The following RYR3 variants were observed in gnomAD, a reference collection of about 807,000 sequenced individuals.
RYR3 encodes brain ryanodine receptor-calcium release channel.
A neutral mutation model predicts 584.3 loss-of-function variants in RYR3; 207 were observed. The observed-to-expected ratio is 0.35, with a 90% CI of 0.32 to 0.40. The LOEUF is 0.40. Ranked by LOEUF, RYR3 falls within the 10% of genes least tolerant of loss-of-function variation. The pLI, the probability that RYR3 is intolerant of heterozygous loss-of-function variation, is 1.00. For missense variants in RYR3, 5,616 were observed against 6,089.2 expected, an observed-to-expected ratio of 0.92 and a Z score of 2.59; for synonymous variants, 2,416 against 2,248.5, an observed-to-expected ratio of 1.07 and a Z score of -2.11.
intron 16 of RYR3, among the ~76,000 whole-genome samples, chr15:33,590,418 T>C (rs1382837919): frequency 1.3e-5 from 2 of 152,178 alleles, no homozygotes; most frequent in Non-Finnish European, 2.9e-5. Context: ...AATTTTAGGA[T>C]TGTTTTTTCT....
At chr15:33,556,761 C>T (rs1464161480) in intron 10 of RYR3, among the ~76,000 whole-genome samples, 2 of 152,034 alleles carry the variant, frequency 1.3e-5, no homozygotes, top group Admixed American at 6.5e-5. Flanking sequence ...CAATCCCTTC[C>T]TCATTGCCCT....
intron 1 of RYR3, among the ~76,000 whole-genome samples, chr15:33,429,133 CG>C (rs1295835595): frequency 1.3e-5 from 2 of 152,138 alleles, no homozygotes; most frequent in African/African-American, 2.4e-5. Flanking sequence ...TTAGAATAAT[CG>C]TGGAAACATG....
chr15:33,340,845 A>G (rs989208453), intron 1 of RYR3, among the ~76,000 whole-genome samples: 1 of 152,198 alleles, frequency 6.6e-6, no homozygotes, highest in South Asian at 2.1e-4. Flanking sequence ...ATCATGGCCC[A>G]CCTATACCCT....
At chr15:33,375,802 T>C (rs1209606156) in intron 1 of RYR3, among the ~76,000 whole-genome samples, 2 of 152,214 alleles carry the variant, frequency 1.3e-5, no homozygotes, top group Non-Finnish European at 2.9e-5. Context: ...CAGTGGCTCA[T>C]GCCTGTAATC....
rs768997188 is a variant in RYR3 at position 33,662,519 on chromosome 15, C to T, written c.4989C>T (p.Pro1663=). The T allele has an allele frequency of 1.1e-5, 18 of 1,613,882 alleles. No individual in the cohort carries two copies. In the Middle Eastern group the frequency reaches 9.9e-4, roughly 88 times the overall value. The stretch of plus-strand genomic sequence containing the variant: ...TGGGCCTGAGAACATGTCTCAAGCC[C>T]GGGTTCAGGTTCTCCACCCCTTGCT... The part of the protein sequence containing the change: ...PGVGLRTCLK[P]GFRFSTPCFV... Residue 1663 remains proline, a synonymous_variant, in exon 35 of 104, where the codon CCC becomes CCT. Coordinates refer to ENST00000634891, the MANE Select transcript of RYR3 (RefSeq NM_001036.6).
At chr15:33,383,828 C>T (rs1283140089) in intron 1 of RYR3, among the ~76,000 whole-genome samples, 1 of 152,166 alleles carries the variant, frequency 6.6e-6, no homozygotes, top group African/African-American at 2.4e-5. Flanking sequence ...TTCACTGCAG[C>T]ACTATTCAGT....
intron 19 of RYR3, among the ~76,000 whole-genome samples, chr15:33,616,261 T>A (rs2060445257): frequency 6.6e-6 from 1 of 152,208 alleles, no homozygotes; most frequent in South Asian, 2.1e-4. Context: ...GTTTAGAGAA[T>A]GGTACATCTG....
chr15:33,353,954 T>G (rs1252878899), intron 1 of RYR3, among the ~76,000 whole-genome samples: 1 of 152,208 alleles, frequency 6.6e-6, no homozygotes, highest in Non-Finnish European at 1.5e-5. Context: ...ACTCCAGCCT[T>G]TTGAAAGATC....
intron 2 of RYR3, among the ~76,000 whole-genome samples, chr15:33,488,490 A>G (rs1373921959): frequency 8.4e-6 from 1 of 119,666 alleles, no homozygotes; most frequent in Admixed American, 9.1e-5. Flanking sequence ...TCTCTTTTCT[A>G]GGTGTTGTTT....
chr15:33,464,511 C>G (rs1035172735), intron 1 of RYR3, among the ~76,000 whole-genome samples: 7 of 124,054 alleles, frequency 5.6e-5, no homozygotes, highest in Non-Finnish European at 1.1e-4. Context: ...TATACATACA[C>G]ATACACATAT....
intron 51 of RYR3, 51 bp from the exon 52 acceptor site, chr15:33,742,315 G>A (rs371935260): frequency 8.7e-7 from 1 of 1,152,778 alleles, no homozygotes; most frequent in African/African-American, 1.5e-5. Flanking sequence ...CTTCTACTAT[G>A]TCTGGCTGAA....
At chr15:33,802,142 G>C (rs780187895) in intron 69 of RYR3, 181 bp downstream of exon 69, 4 of 746,238 alleles carry the variant, frequency 5.4e-6, no homozygotes, top group Non-Finnish European at 1.0e-5. Context: ...AAATAAGCAT[G>C]GTCATCACAT....
intron 70 of RYR3, among the ~76,000 whole-genome samples, chr15:33,809,718 C>G (rs1352505592): frequency 8.6e-5 from 13 of 151,684 alleles, no homozygotes. Flanking sequence ...TCGCTGCAAC[C>G]TCTGTCTCAT....
intron 1 of RYR3, among the ~76,000 whole-genome samples, chr15:33,435,556 T>C (rs2045623833): frequency 6.6e-6 from 1 of 152,216 alleles, no homozygotes; most frequent in Non-Finnish European, 1.5e-5. Context: ...CAAATGAAAT[T>C]GATGGGTCAA....
chr15:33,499,123 T>C (rs1315601907), intron 2 of RYR3, among the ~76,000 whole-genome samples: 1 of 152,078 alleles, frequency 6.6e-6, no homozygotes, highest in Non-Finnish European at 1.5e-5. Flanking sequence ...AGACCCAGTC[T>C]AATACCTACT....
intron 70 of RYR3, 101 bp downstream of exon 70, chr15:33,807,670 G>A (rs2076278673): frequency 2.4e-6 from 3 of 1,239,650 alleles, no homozygotes; most frequent in South Asian, 1.3e-5. Context: ...GGTAGAGAAT[G>A]GATTTTCCCG....
intron 1 of RYR3, among the ~76,000 whole-genome samples, chr15:33,454,046 A>G (rs912139099): frequency 2.0e-5 from 3 of 152,238 alleles, no homozygotes; most frequent in Non-Finnish European, 2.9e-5. Flanking sequence ...AGCAGACATC[A>G]TAAGAATTCT....
rs182504789 is a variant in RYR3, at chr15:33,746,107, A to T, written c.7939A>T (p.Asn2647Tyr). The T allele has an allele frequency of 6.2e-7, 1 of 1,601,676 alleles. No individual in the cohort carries two copies. Among genetic ancestry groups the T allele is most frequent in the Admixed American group, 1.7e-5 (1 of 58,510 alleles). ...GAAATATGGGATTTCCCTGGATGAA[A>T]ATGTGAAGACCCACCCACTGATAAG... ...GWKYGISLDENVKTHPLIRPF... is the reference protein window; with the variant it reads ...GWKYGISLDEYVKTHPLIRPF... The change falls in exon 53 of 104, where the codon AAT (asparagine) becomes TAT (tyrosine). Residue 2647 changes from asparagine to tyrosine, a missense_variant. By Grantham distance (143) the Asn-to-Tyr change is moderately radical (BLOSUM62 -2). This residue lies in a region of RYR3 where 1,280 missense variants were observed against 1,426.2 expected (regional missense o/e 0.90). Coordinates refer to ENST00000634891, the MANE Select transcript of RYR3 (RefSeq NM_001036.6).
chr15:33,467,880 T>C (rs1228320974), intron 1 of RYR3, among the ~76,000 whole-genome samples: 2 of 152,240 alleles, frequency 1.3e-5, no homozygotes, highest in African/African-American at 4.8e-5. Flanking sequence ...CTGGCTGCTC[T>C]CTTTGGCCTT....
Sources: allele counts gnomAD v4.1 joint callset (sites outside exome capture counted in the v4.1 genomes callset), GRCh38; gene constraint gnomAD v4.1.1; regional missense constraint gnomAD v4.1.1; transcripts MANE v1.5; gene names NCBI Gene and HGNC (gene_info 2026-07-23, HGNC 2026-07-21).